ARAP2: variants seen among roughly 807,000 people sequenced by gnomAD.
ARAP2 encodes ArfGAP with RhoGAP domain, ankyrin repeat and PH domain 2.
In ARAP2, 148 loss-of-function variants were observed where a neutral mutation model predicts 194.5. The ratio of observed to expected loss-of-function variants is 0.76; its 90% CI spans 0.67 to 0.87. The LOEUF is 0.87. ARAP2 is among the 40% of genes least tolerant of loss of function. ARAP2 has a pLI of 0.00. For missense variants in ARAP2, 2,128 were observed against 1,989.7 expected (o/e 1.07, Z -1.32); for synonymous variants, 695 against 683.5 (o/e 1.02, Z -0.26).
At chr4:36,209,843 G>C (rs1399098799) in intron 6 of ARAP2, among the ~76,000 whole-genome samples, 2 of 152,136 alleles carry the variant, frequency 1.3e-5, no homozygotes, top group African/African-American at 4.8e-5. Context: ...GTAAACATTT[G>C]TTGATAAATC....
At chr4:36,205,500 G>A (rs1468865384) in intron 6 of ARAP2, among the ~76,000 whole-genome samples, 1 of 151,936 alleles carries the variant, frequency 6.6e-6, no homozygotes, top group African/African-American at 2.4e-5. Flanking sequence ...TGAAAGTTCA[G>A]TGTGAACACA....
Position 36,158,855 on chromosome 4 carries a change from T to G in ARAP2, c.2627A>C (p.Gln876Pro), listed in dbSNP as rs1487785773. 6.3e-7 allele frequency: 1 copy of G among 1,584,424 alleles called. No homozygotes were observed. Among genetic ancestry groups the G allele is most frequent in the African/African-American group, 1.4e-5 (1 of 73,308 alleles). ...TACACCCTCGGAATGAATATCATGT[T>G]GAGGGAAATCTAGAAAAATTAAAGA... is the stretch of plus-strand genomic sequence containing the variant. ...LYHNKFSDFPQHDIHSEGVLS... is the reference protein window; with the variant it reads ...LYHNKFSDFPPHDIHSEGVLS... The change falls in exon 15 of 33, where the codon CAA becomes CCA. Residue 876 changes from glutamine (Q) to proline (P), a missense_variant. Transcript: ENST00000303965.
intron 3 of ARAP2, among the ~76,000 whole-genome samples, chr4:36,049,083 T>C (rs1722262692): frequency 6.6e-6 from 1 of 152,094 alleles, no homozygotes; most frequent in African/African-American, 2.4e-5. Flanking sequence ...CAGGATTGAT[T>C]TACCTATTTG....
intron 28 of ARAP2, among the ~76,000 whole-genome samples, chr4:36,090,976 G>C (rs1436045010): frequency 6.6e-6 from 1 of 151,990 alleles, no homozygotes; most frequent in African/African-American, 2.4e-5. Context: ...CAAATCCCTG[G>C]AGGTGGGGCC....
At chr4:36,178,037 T>G (rs748888966) in intron 8 of ARAP2, 32 bp from the exon 9 acceptor site, 1 of 1,551,586 alleles carries the variant, frequency 6.4e-7, no homozygotes, top group Non-Finnish European at 8.7e-7. Flanking sequence ...AATACATAAA[T>G]CCACATATAA....
At chr4:36,115,074 G>A (rs1721001119) in intron 25 of ARAP2, among the ~76,000 whole-genome samples, 2 of 151,946 alleles carry the variant, frequency 1.3e-5, no homozygotes, top group African/African-American at 2.4e-5. Flanking sequence ...TCAGTAAAAG[G>A]ATGTCTCTAC....
intron 19 of ARAP2, among the ~76,000 whole-genome samples, chr4:36,141,068 G>A (rs1376913689): frequency 6.6e-6 from 1 of 151,596 alleles, no homozygotes; most frequent in Non-Finnish European, 1.5e-5. Context: ...AAAAAGATAT[G>A]CAGAAGATGT....
chr4:36,155,047 A>T (rs536138031), intron 15 of ARAP2, among the ~76,000 whole-genome samples: 1 of 152,216 alleles, frequency 6.6e-6, no homozygotes, highest in African/African-American at 2.4e-5. Context: ...GCCAGCAATT[A>T]TATCTTTTTA....
intron 6 of ARAP2, among the ~76,000 whole-genome samples, chr4:36,202,697 C>T (rs1331009009): frequency 6.6e-6 from 1 of 152,074 alleles, no homozygotes; most frequent in Non-Finnish European, 1.5e-5. Flanking sequence ...ATATAAAATA[C>T]AACGTGAACC....
intron 1 of ARAP2, among the ~76,000 whole-genome samples, chr4:36,239,778 C>T (rs770620377): frequency 8.5e-5 from 13 of 152,064 alleles, no homozygotes; most frequent in Non-Finnish European, 1.9e-4. Flanking sequence ...GTTATTTTTA[C>T]CCAGTAAAAA....
At position 36,239,938 on chromosome 4, in the gene ARAP2, C is replaced by T. The variant is rs574363060; in HGVS notation, c.-160+4241G>A. 1.4e-4 allele frequency among the ~76,000 whole-genome samples: 21 copies of T among 152,222 alleles called. No homozygotes were observed. The East Asian group carries it at 4.1e-3, about 29-fold the overall frequency. On this transcript the variant is annotated intron_variant, in intron 1 of 32. Transcript: ENST00000303965. ...GGTAACACCACATTCGTGAGGCTTCCCTGCCTATCCCATCCCTCCTCAATC... is the reference window on the plus strand; with the variant it reads ...GGTAACACCACATTCGTGAGGCTTCTCTGCCTATCCCATCCCTCCTCAATC...
At chr4:36,193,085 GCT>G (rs1742302499) in intron 7 of ARAP2, among the ~76,000 whole-genome samples, 1 of 152,170 alleles carries the variant, frequency 6.6e-6, no homozygotes, top group Admixed American at 6.5e-5. Flanking sequence ...CCGATTTGAT[GCT>G]CTGAGTCACT....
chr4:36,216,215 C>T (rs1395888053), intron 2 of ARAP2, among the ~76,000 whole-genome samples: 3 of 151,974 alleles, frequency 2.0e-5, no homozygotes. Context: ...ATGACTGCAT[C>T]GCTGCACTCC....
chr4:36,047,684 T>G (rs1271046452), intron 3 of ARAP2, among the ~76,000 whole-genome samples: 2 of 152,228 alleles, frequency 1.3e-5, no homozygotes, highest in Non-Finnish European at 2.9e-5. Context: ...TGGACACTCC[T>G]TACTCTTTTG....
At chr4:36,052,829 G>A (rs1048749382) in intron 2 of ARAP2, among the ~76,000 whole-genome samples, 2 of 152,064 alleles carry the variant, frequency 1.3e-5, no homozygotes, top group East Asian at 1.9e-4. Flanking sequence ...TGAGCCGGGC[G>A]TGGTGGCGGG....
At chr4:36,159,976 G>T (rs1460324850) in intron 13 of ARAP2, 1 of 584,276 alleles carries the variant, frequency 1.7e-6, no homozygotes, top group East Asian at 1.4e-4. Flanking sequence ...GCAAATTCAG[G>T]ATCTTCCCCT....
intron 20 of ARAP2, 142 bp from the exon 21 acceptor site, chr4:36,128,887 C>G: frequency 1.5e-6 from 1 of 684,706 alleles, no homozygotes. Context: ...CATGCATGAG[C>G]AGGAAAGGCT....
chr4:36,213,941 A>G (rs561761145), intron 3 of ARAP2, among the ~76,000 whole-genome samples: 52 of 152,292 alleles, frequency 3.4e-4, no homozygotes, highest in African/African-American at 1.2e-3. Flanking sequence ...TTAAAAATTC[A>G]GTACCCAAGT....
chr4:36,138,962 G>C (rs185706842), intron 19 of ARAP2, among the ~76,000 whole-genome samples: 6 of 151,648 alleles, frequency 4.0e-5, no homozygotes, highest in Non-Finnish European at 7.4e-5. Flanking sequence ...GCTATTCATA[G>C]ACATCCTTTT....
Sources: gnomAD v4.1 joint callset for allele counts (sites outside exome capture counted in the v4.1 genomes callset) on GRCh38, gnomAD v4.1.1 for gene constraint, MANE v1.5 for transcripts, NCBI Gene and HGNC (gene_info 2026-07-23, HGNC 2026-07-21) for gene names.